DTNA: variants seen among roughly 807,000 people sequenced by gnomAD.
The protein encoded by DTNA is dystrobrevin alpha, also known as dystrophin-related protein 3.
A neutral mutation model predicts 100.7 loss-of-function variants in DTNA; 43 were observed. The ratio of observed to expected loss-of-function variants is 0.43; its 90% CI spans 0.33 to 0.55. The LOEUF (loss-of-function observed/expected upper bound fraction) is 0.55. DTNA is among the 20% of genes least tolerant of loss of function. DTNA has a pLI of 0.04. For missense variants in DTNA, 798 were observed against 953.9 expected (o/e 0.84, Z 2.15); for synonymous variants, 349 against 347.9 (o/e 1.00, Z -0.04).
intron 1 of DTNA, among the ~76,000 whole-genome samples, chr18:34,657,519 C>A (rs1271950250): frequency 6.6e-6 from 1 of 152,052 alleles, no homozygotes; most frequent in Non-Finnish European, 1.5e-5. Context: ...TATATTGTAA[C>A]ACAATGTCTT....
At chr18:34,674,716 A>T (rs1266259472) in intron 1 of DTNA, among the ~76,000 whole-genome samples, 3 of 152,216 alleles carry the variant, frequency 2.0e-5, no homozygotes, top group Non-Finnish European at 2.9e-5. Context: ...ACTATCAATC[A>T]TTTATTCAAA....
intron 1 of DTNA, among the ~76,000 whole-genome samples, chr18:34,514,179 T>G (rs1412105366): frequency 6.6e-6 from 1 of 152,132 alleles, no homozygotes; most frequent in Non-Finnish European, 1.5e-5. Flanking sequence ...TTTTATTATC[T>G]TTGTCCTAAT....
chr18:34,718,248 T>C (rs528857398), intron 1 of DTNA, among the ~76,000 whole-genome samples: 35 of 152,206 alleles, frequency 2.3e-4, no homozygotes, highest in African/African-American at 7.5e-4. Context: ...GTATGACACA[T>C]GACAATTTTG....
At chr18:34,757,284 G>A (rs1260588385) in intron 2 of DTNA, 3 of 152,152 alleles carry the variant, frequency 2.0e-5, no homozygotes, top group African/African-American at 7.2e-5. Flanking sequence ...AGAGCAAGGA[G>A]CCTAGTGAGT....
intron 1 of DTNA, among the ~76,000 whole-genome samples, chr18:34,689,295 T>TTTG (rs1227022692): frequency 6.6e-6 from 1 of 152,150 alleles, no homozygotes; most frequent in Non-Finnish European, 1.5e-5. Context: ...ATTTTTGGTC[T>TTTG]TTGTTGTTGG....
At chr18:34,747,778 A>G (rs930481474) in intron 1 of DTNA, among the ~76,000 whole-genome samples, 1 of 152,074 alleles carries the variant, frequency 6.6e-6, no homozygotes, top group East Asian at 1.9e-4. Context: ...TATCTTTGCA[A>G]TTGCAAATTG....
chr18:34,495,806 G>A (rs2039131432), intron 1 of DTNA, among the ~76,000 whole-genome samples: 1 of 152,082 alleles, frequency 6.6e-6, no homozygotes, highest in Non-Finnish European at 1.5e-5. Context: ...TAAATGAACC[G>A]TGATGTGAAG....
chr18:34,759,637 A>G (rs1408741468), intron 2 of DTNA, among the ~76,000 whole-genome samples: 1 of 152,216 alleles, frequency 6.6e-6, no homozygotes, highest in Non-Finnish European at 1.5e-5. Context: ...CTTGAAATCA[A>G]AAGGAGGCAA....
At chr18:34,801,798 C>T (rs2095224445) in intron 4 of DTNA, among the ~76,000 whole-genome samples, 1 of 152,138 alleles carries the variant, frequency 6.6e-6, no homozygotes, top group Admixed American at 6.6e-5. Flanking sequence ...CGTGAGCCAT[C>T]ACCCCTGGCC....
At chr18:34,753,752 A>G (rs1012842694) in intron 1 of DTNA, among the ~76,000 whole-genome samples, 1 of 152,184 alleles carries the variant, frequency 6.6e-6, no homozygotes, top group Admixed American at 6.5e-5. Context: ...CACTTGTTCT[A>G]TCCTCTATCT....
chr18:34,590,490 T>C (rs905856042), intron 1 of DTNA, among the ~76,000 whole-genome samples: 3 of 152,152 alleles, frequency 2.0e-5, no homozygotes, highest in Non-Finnish European at 4.4e-5. Flanking sequence ...CAGAGGTCGT[T>C]TGCTTTTCAG....
intron 1 of DTNA, among the ~76,000 whole-genome samples, chr18:34,630,990 A>G (rs2058013036): frequency 6.6e-6 from 1 of 152,172 alleles, no homozygotes; most frequent in African/African-American, 2.4e-5. Flanking sequence ...CCTCAACATC[A>G]TAGGCATGGC....
intron 18 of DTNA, among the ~76,000 whole-genome samples, chr18:34,876,266 TC>T (rs770346056): frequency 2.0e-5 from 3 of 152,230 alleles, no homozygotes; most frequent in Non-Finnish European, 4.4e-5. Flanking sequence ...TCATTAACAT[TC>T]TTCGAAGTCT....
At chr18:34,615,166 G>A (rs559793536) in intron 1 of DTNA, among the ~76,000 whole-genome samples, 1 of 152,266 alleles carries the variant, frequency 6.6e-6, no homozygotes, top group South Asian at 2.1e-4. Flanking sequence ...ACAGAAGAAG[G>A]CAAAGCAGGA....
intron 1 of DTNA, among the ~76,000 whole-genome samples, chr18:34,607,374 A>G (rs2053344086): frequency 6.6e-6 from 1 of 152,196 alleles, no homozygotes; most frequent in Non-Finnish European, 1.5e-5. Context: ...AGAATATTGC[A>G]ATAGTCTGCT....
At chr18:34,717,840 A>T (rs1050637698) in intron 1 of DTNA, among the ~76,000 whole-genome samples, 1 of 152,130 alleles carries the variant, frequency 6.6e-6, no homozygotes, top group Non-Finnish European at 1.5e-5. Context: ...AACCAGGGAG[A>T]GATGAGAATC....
intron 1 of DTNA, among the ~76,000 whole-genome samples, chr18:34,551,060 G>A (rs1406137005): frequency 1.3e-5 from 2 of 152,106 alleles, no homozygotes; most frequent in African/African-American, 4.8e-5. Context: ...GAAACATAAG[G>A]CCATCTGTTG....
intron 19 of DTNA, 104 bp downstream of exon 19, chr18:34,877,912 C>G (rs1018738328): frequency 1.0e-6 from 1 of 993,878 alleles, no homozygotes; most frequent in Middle Eastern, 2.1e-4. Context: ...TCAAAAGATT[C>G]TTTAAAGCTC....
chr18:34,668,404 GT>G (rs545269171), intron 1 of DTNA, among the ~76,000 whole-genome samples: 1 of 152,100 alleles, frequency 6.6e-6, no homozygotes, highest in African/African-American at 2.4e-5. Flanking sequence ...TTTTTGAAGG[GT>G]TTTTTGTGTC....
Sources: allele counts gnomAD v4.1 joint callset (sites outside exome capture counted in the v4.1 genomes callset), GRCh38; gene constraint gnomAD v4.1.1; transcripts MANE v1.5; gene names NCBI Gene and HGNC (gene_info 2026-07-23, HGNC 2026-07-21).